MYH11: variants seen among roughly 807,000 people sequenced by gnomAD.
MYH11 encodes myosin-11.
MYH11 carries 80 observed loss-of-function variants against 246.6 expected under a neutral mutation model. The observed-to-expected ratio is 0.32, with a 90% CI of 0.27 to 0.39. The LOEUF is 0.39. Among genes scored for constraint, MYH11 ranks in the 10% least tolerant of loss-of-function variants. MYH11 has a pLI of 1.00. For missense variants in MYH11, 2,158 were observed against 2,546.8 expected (o/e 0.85, Z 3.29); for synonymous variants, 1,071 against 1,015.5 (o/e 1.05, Z -1.04).
chr16:15,705,639 TAAG>T (rs1211454051), intron 40 of MYH11, among the ~76,000 whole-genome samples: 2 of 152,082 alleles, frequency 1.3e-5, no homozygotes, highest in African/African-American at 4.8e-5. Context: ...AAGGGTTGGA[TAAG>T]AAGCCATAAG....
At chr16:15,721,127 C>G (rs1027423896) in intron 32 of MYH11, 76 bp from the exon 33 acceptor site, 32 of 1,516,038 alleles carry the variant, frequency 2.1e-5, no homozygotes, top group Admixed American at 1.9e-4. Context: ...CCGTGAGCGG[C>G]ACCTCAGGAG....
At chr16:15,706,249 C>CGAGA (rs1474071202) in intron 40 of MYH11, among the ~76,000 whole-genome samples, 2 of 152,200 alleles carry the variant, frequency 1.3e-5, no homozygotes, top group African/African-American at 4.8e-5. Context: ...CCATCCTTCT[C>CGAGA]TCTCTAGATG....
chr16:15,824,288 T>A (rs2043500744), intron 2 of MYH11, among the ~76,000 whole-genome samples: 1 of 151,980 alleles, frequency 6.6e-6, no homozygotes, highest in Non-Finnish European at 1.5e-5. Flanking sequence ...TTACTTTTTT[T>A]TTTTTTTGAG....
rs757375128 is a variant in MYH11 at position 15,720,348 on chromosome 16, G to A, written c.4792-36C>T. On this transcript the variant is annotated intron_variant, in intron 33 of 40. Transcript: ENST00000300036. The stretch of plus-strand genomic sequence containing the variant: ...AATAGAGATGTGTGCTGCCCCACTT[G>A]CCCCTGGGAGGTCCTTTGGCTCACC... 3.1e-6 allele frequency: 5 copies of A among 1,600,942 alleles called. No homozygotes were observed. In the East Asian group the frequency reaches 6.8e-5, roughly 22 times the overall value.
intron 1 of MYH11, among the ~76,000 whole-genome samples, chr16:15,849,419 C>G (rs2044276068): frequency 6.6e-6 from 1 of 152,144 alleles, no homozygotes; most frequent in African/African-American, 2.4e-5. Context: ...GCCTTGTTTA[C>G]AGTCCTGTCC....
chr16:15,763,921 C>T lies in MYH11; in HGVS notation c.1034-30G>A, dbSNP rs372061413. The T allele has an allele frequency of 8.9e-6, 14 of 1,574,702 alleles. No individual in the cohort carries two copies. The African/African-American group carries it at 1.4e-4, about 15-fold the overall frequency. On this transcript the variant is annotated intron_variant, in intron 9 of 40. Transcript: ENST00000300036. Reference sequence around the variant, plus strand: ...GGTGGGGAGAGAAGGGCAGAGCAGACACAAAGGTCAATGCCAAGGTACCCT... The same window carrying T: ...GGTGGGGAGAGAAGGGCAGAGCAGATACAAAGGTCAATGCCAAGGTACCCT...
chr16:15,844,491 C>T (rs1028492794), intron 1 of MYH11, among the ~76,000 whole-genome samples: 11 of 152,164 alleles, frequency 7.2e-5, no homozygotes, highest in Non-Finnish European at 1.5e-5. Context: ...AGCCACCACG[C>T]TCGGCCAGTA....
At chr16:15,765,338 AGGATAGAT>A (rs1032978425) in intron 9 of MYH11, among the ~76,000 whole-genome samples, 1 of 151,940 alleles carries the variant, frequency 6.6e-6, no homozygotes, top group Non-Finnish European at 1.5e-5. Flanking sequence ...GGATGGATAG[AGGATAGAT>A]GGATAGATGG....
Position 15,753,446 on chromosome 16 carries a change from A to G in MYH11, c.1812T>C (p.Thr604=). Residue 604 remains threonine (T), a synonymous_variant, in exon 15 of 41, where the codon ACT becomes ACC. Transcript: ENST00000300036. ...KNMDPLNDNV[T]SLLNASSDKF... ...TGTCGGAGGAGGCATTGAGCAGGGAAGTCACGTTGTCATTCAGCGGGTCCA... is the reference window on the plus strand; with the variant it reads ...TGTCGGAGGAGGCATTGAGCAGGGAGGTCACGTTGTCATTCAGCGGGTCCA... 6.2e-7 allele frequency: 1 copy of G among 1,614,148 alleles called. No homozygotes were observed. Among genetic ancestry groups the G allele is most frequent in the Non-Finnish European group, 8.5e-7 (1 of 1,180,020 alleles).
intron 1 of MYH11, among the ~76,000 whole-genome samples, chr16:15,848,205 A>G (rs2044245255): frequency 6.7e-6 from 1 of 149,786 alleles, no homozygotes; most frequent in Non-Finnish European, 1.5e-5. Flanking sequence ...TAATACTAAT[A>G]CTAGTAATAA....
intron 3 of MYH11, among the ~76,000 whole-genome samples, chr16:15,813,227 T>TC (rs2043181745): frequency 1.3e-5 from 2 of 151,820 alleles, no homozygotes; most frequent in African/African-American, 4.8e-5. Flanking sequence ...GTGGTACATC[T>TC]CTGTAGTCTC....
At chr16:15,825,384 T>C (rs1350494193) in intron 2 of MYH11, among the ~76,000 whole-genome samples, 1 of 65,032 alleles carries the variant, frequency 1.5e-5, no homozygotes, top group South Asian at 4.3e-4. Context: ...ACCCCCTCTC[T>C]ACAAAAAAAA....
intron 3 of MYH11, among the ~76,000 whole-genome samples, chr16:15,813,328 A>G (rs2043183738): frequency 6.6e-6 from 1 of 152,160 alleles, no homozygotes; most frequent in Non-Finnish European, 1.5e-5. Context: ...CAGCCTGGGC[A>G]ACAGAGCAAG....
rs367862587 is a variant in MYH11 at position 15,704,401 on chromosome 16, AAT to A, written c.5787-280_5787-279del. 6.5e-3 allele frequency among the ~76,000 whole-genome samples: 990 copies of A among 152,250 alleles called. 12 individuals carry two copies. The highest frequency in any genetic ancestry group is 0.023 in the African/African-American group (953 of 41,542). ...TTCAAAGCAAGACGATCTGCTTTTC[AAT>A]ATGTCAGGCTTGGTCATTTGAGAAG... is the stretch of plus-strand genomic sequence containing the variant. On this transcript the variant is annotated intron_variant, in intron 40 of 40. Coordinates refer to ENST00000300036, the MANE Select transcript of MYH11 (RefSeq NM_002474.3).
At chr16:15,771,458 G>A in intron 9 of MYH11, 111 bp downstream of exon 9, 12 of 909,338 alleles carry the variant, frequency 1.3e-5, no homozygotes, top group South Asian at 2.3e-5. Context: ...TTTTTTAATG[G>A]AAGGTGGGGA....
chr16:15,814,319 G>A (rs1046267260), intron 3 of MYH11, among the ~76,000 whole-genome samples: 3 of 152,060 alleles, frequency 2.0e-5, no homozygotes, highest in East Asian at 2.0e-4. Context: ...TTGGGAGGCC[G>A]AGTTGGGTGG....
rs1355092276 is a variant in MYH11, at chr16:15,738,548, C to T, written c.3121+17G>A. On this transcript the variant is annotated intron_variant, in intron 24 of 40. Coordinates refer to ENST00000300036, the MANE Select transcript of MYH11 (RefSeq NM_002474.3). ...AATAAAATAAAATAAAAATAAATCT[C>T]TTGGTAGCTGGTTTACCTTCCAGTT... 2 of 1,603,416 alleles carry T rather than the reference C, an allele frequency of 1.2e-6. No individual in the cohort carries two copies.
intron 3 of MYH11, among the ~76,000 whole-genome samples, chr16:15,819,195 G>A (rs981514204): frequency 6.6e-6 from 1 of 152,204 alleles, no homozygotes; most frequent in African/African-American, 2.4e-5. Context: ...TCCTATTGGA[G>A]CTTACTATGT....
chr16:15,730,245 A>G (rs1009315931), intron 27 of MYH11, among the ~76,000 whole-genome samples: 2 of 151,622 alleles, frequency 1.3e-5, no homozygotes, highest in Non-Finnish European at 2.9e-5. Flanking sequence ...AAATTACCCA[A>G]TCTCAGGGTG....
Sources: gnomAD v4.1 joint callset for allele counts (sites outside exome capture counted in the v4.1 genomes callset) on GRCh38, gnomAD v4.1.1 for gene constraint, MANE v1.5 for transcripts, NCBI Gene and HGNC (gene_info 2026-07-23, HGNC 2026-07-21) for gene names.